Variants in FAM169A observed in about 807,000 individuals in gnomAD.
FAM169A encodes the protein soluble lamin-associated protein of 75 kDa.
In FAM169A, 24 loss-of-function variants were observed where a neutral mutation model predicts 75.7. The observed-to-expected ratio is 0.32, with a 90% CI of 0.23 to 0.45. FAM169A has a LOEUF of 0.45. Among genes scored for constraint, FAM169A ranks in the 20% least tolerant of loss-of-function variants. The probability of loss-of-function intolerance (pLI) is 1.00; values close to 1 mark genes in which losing one functional copy is unlikely to be tolerated. For missense variants in FAM169A, 673 were observed against 784.0 expected, an observed-to-expected ratio of 0.86 and a Z score of 1.69; for synonymous variants, 271 against 271.0, an observed-to-expected ratio of 1.00 and a Z score of 0.00.
At chr5:74,787,578 TC>T (rs1745759107) in intron 11 of FAM169A, among the ~76,000 whole-genome samples, 2 of 152,192 alleles carry the variant, frequency 1.3e-5, no homozygotes, top group Non-Finnish European at 2.9e-5. Context: ...GTATGCCAAA[TC>T]TAACAGTGGG....
chr5:74,799,383 C>T, intron 10 of FAM169A: 1 of 1,612,824 alleles, frequency 6.2e-7, no homozygotes. Context: ...CTGAAAATGA[C>T]TGGTGGGTGA....
At chr5:74,812,846 C>A (rs1199768164) in intron 6 of FAM169A, among the ~76,000 whole-genome samples, 1 of 152,122 alleles carries the variant, frequency 6.6e-6, no homozygotes, top group African/African-American at 2.4e-5. Context: ...ATAAAATACA[C>A]AGATAATAAC....
chr5:74,805,380 G>T, intron 6 of FAM169A, 96 bp from the exon 7 acceptor site: 1 of 1,127,498 alleles, frequency 8.9e-7, no homozygotes, highest in Non-Finnish European at 1.3e-6. Flanking sequence ...ACTTAACGGG[G>T]CTAGCATAAC....
At chr5:74,827,765 C>T (rs1023357567) in intron 5 of FAM169A, among the ~76,000 whole-genome samples, 1 of 150,964 alleles carries the variant, frequency 6.6e-6, no homozygotes, top group Non-Finnish European at 1.5e-5. Context: ...CGGGTTAAAG[C>T]GATTCTCCCA....
intron 5 of FAM169A, among the ~76,000 whole-genome samples, chr5:74,818,793 C>CTATA (rs1274131514): frequency 1.4e-3 from 197 of 139,494 alleles, no homozygotes; most frequent in Non-Finnish European, 2.3e-3. Context: ...CTCTCTCTCT[C>CTATA]TCTCTCTCTC....
intron 6 of FAM169A, among the ~76,000 whole-genome samples, chr5:74,812,353 C>T (rs1247379319): frequency 6.6e-6 from 1 of 152,074 alleles, no homozygotes; most frequent in Non-Finnish European, 1.5e-5. Flanking sequence ...TCTCGAATTC[C>T]TGAGCTCAAG....
chr5:74,831,742 T>C (rs1342224930), intron 5 of FAM169A, among the ~76,000 whole-genome samples: 1 of 152,186 alleles, frequency 6.6e-6, no homozygotes, highest in East Asian at 1.9e-4. Context: ...TTCACTGTCC[T>C]CGACTTGTGA....
rs1746867976 is a variant in FAM169A, at chr5:74,806,065, T to C, written c.671-781A>G. Among the ~76,000 whole-genome samples the C allele has an allele frequency of 4.0e-5, 6 of 151,090 alleles. No homozygotes were observed. The South Asian group carries it at 1.2e-3, about 31-fold the overall frequency. ...ACTTGTCCAAGTAGATACCAAGTATTTGAAACAAGTACCAAGTATTTGAAA... is the reference window on the plus strand; with the variant it reads ...ACTTGTCCAAGTAGATACCAAGTATCTGAAACAAGTACCAAGTATTTGAAA... On this transcript the variant is annotated intron_variant, in intron 6 of 12. Transcript: ENST00000687041.
chr5:74,791,461 CAAT>C lies in FAM169A; in HGVS notation c.1260+4566_1260+4568del, dbSNP rs369046475. Among the ~76,000 whole-genome samples, 498 of 152,268 alleles carry C rather than the reference CAAT, an allele frequency of 3.3e-3. 2 individuals are homozygous for C. Among genetic ancestry groups the C allele is most frequent in the African/African-American group, 0.011 (461 of 41,536 alleles). On this transcript the variant is annotated intron_variant, in intron 11 of 12. Coordinates refer to ENST00000687041, the MANE Select transcript of FAM169A (RefSeq NM_001376049.1). ...CGAACGCTGCCACCAGGAGACACAA[CAAT>C]GATTCCATTAAACTGGAAGTTAAGA...
At chr5:74,860,975 A>C (rs1167040812) in intron 1 of FAM169A, among the ~76,000 whole-genome samples, 1 of 152,126 alleles carries the variant, frequency 6.6e-6, no homozygotes, top group Non-Finnish European at 1.5e-5. Flanking sequence ...GTATCTACTA[A>C]AAAGTACAAA....
At chr5:74,807,077 G>T (rs762284816) in intron 6 of FAM169A, among the ~76,000 whole-genome samples, 5 of 152,122 alleles carry the variant, frequency 3.3e-5, no homozygotes, top group East Asian at 1.9e-4. Context: ...CTACTTCTAG[G>T]TATAAACCCT....
At chr5:74,825,365 A>G (rs1020694707) in intron 5 of FAM169A, among the ~76,000 whole-genome samples, 2 of 152,208 alleles carry the variant, frequency 1.3e-5, no homozygotes, top group Admixed American at 1.3e-4. Context: ...GCCACTAGTC[A>G]CATGTGGCCA....
In FAM169A at chr5:74,818,801, CTCTATA is replaced by C. The variant is rs1306023954; in HGVS notation, c.491-4788_491-4783del. Among the ~76,000 whole-genome samples the C allele has an allele frequency of 2.7e-3, 338 of 123,142 alleles. 1 individual carries two copies. Among genetic ancestry groups the C allele is most frequent in the Admixed American group, 8.1e-3 (100 of 12,382 alleles). 80.8% of individuals were successfully genotyped at this position (123,142 alleles called of 152,430 possible). The stretch of plus-strand genomic sequence containing the variant: ...TCTCTCTCTCTCTCTCTCTCTCTCT[CTCTATA>C]TATATATATATATATATGTCAAAGC... On this transcript the variant is annotated intron_variant, in intron 5 of 12. Transcript: ENST00000687041.
chr5:74,833,046 G>A (rs781266452), intron 5 of FAM169A, among the ~76,000 whole-genome samples: 3 of 152,048 alleles, frequency 2.0e-5, no homozygotes, highest in Non-Finnish European at 2.9e-5. Context: ...CACTCCTGCA[G>A]TTAAATACTG....
At chr5:74,787,190 G>T (rs1745738456) in intron 11 of FAM169A, among the ~76,000 whole-genome samples, 1 of 152,190 alleles carries the variant, frequency 6.6e-6, no homozygotes, top group Non-Finnish European at 1.5e-5. Context: ...AAGGGTGTGG[G>T]ATGATGGTGG....
chr5:74,838,460 T>C (rs372327937), intron 4 of FAM169A, among the ~76,000 whole-genome samples: 18 of 152,320 alleles, frequency 1.2e-4, no homozygotes, highest in South Asian at 8.3e-4. Flanking sequence ...CTTTCATCTC[T>C]AGCATGAAAA....
Position 74,866,374 on chromosome 5 carries a change from C to A in FAM169A, c.-213G>T. 1 of 984,412 alleles carries A rather than the reference C, an allele frequency of 1.0e-6. No individual in the cohort carries two copies. Among genetic ancestry groups the A allele is most frequent in the Non-Finnish European group, 1.2e-6 (1 of 829,566 alleles). The allele number at this position is 984,412 out of a possible 1,614,324, so 61.0% of individuals were successfully genotyped here. A position where few individuals can be genotyped will look rare whatever the true frequency, so the allele number is the denominator to read the frequency against. ...GGCCGCGGCCCACCGTGCCCTCCGA[C>A]GACGTGACGCACTAGCGCCGCAGCG... On this transcript the variant is annotated 5_prime_UTR_variant, in exon 1 of 13. Transcript: ENST00000687041.
At chr5:74,857,003 G>A (rs566757318) in intron 1 of FAM169A, among the ~76,000 whole-genome samples, 19 of 151,500 alleles carry the variant, frequency 1.3e-4, no homozygotes, top group Admixed American at 6.6e-4. Context: ...CAGCCACTCG[G>A]GAGGCTGAGG....
At chr5:74,850,682 A>G (rs988415408) in intron 1 of FAM169A, among the ~76,000 whole-genome samples, 2 of 152,228 alleles carry the variant, frequency 1.3e-5, no homozygotes, top group Non-Finnish European at 2.9e-5. Context: ...GCTGCAACTA[A>G]TAACTAGAAA....
Sources: allele counts gnomAD v4.1 joint callset (sites outside exome capture counted in the v4.1 genomes callset), GRCh38; gene constraint gnomAD v4.1.1; transcripts MANE v1.5; gene names NCBI Gene and HGNC (gene_info 2026-07-23, HGNC 2026-07-21).